Variants in PHRF1 observed in about 807,000 individuals in gnomAD.
PHRF1 encodes PHD and RING finger domain-containing protein 1.
A neutral mutation model predicts 128.9 loss-of-function variants in PHRF1; 53 were observed. The ratio of observed to expected loss-of-function variants is 0.41; its 90% confidence interval spans 0.33 to 0.52. The LOEUF (loss-of-function observed/expected upper bound fraction) is 0.52. PHRF1 is among the 20% of genes least tolerant of loss of function. PHRF1 has a pLI of 0.21. For missense variants in PHRF1, 2,503 were observed against 2,284.5 expected, an observed-to-expected ratio of 1.10 and a Z score of -1.95; for synonymous variants, 1,178 against 980.6, an observed-to-expected ratio of 1.20 and a Z score of -3.76.
Position 602,018 on chromosome 11 carries a change from G to T in PHRF1, c.1152+317G>T, listed in dbSNP as rs1181238973. 2.0e-5 allele frequency among the ~76,000 whole-genome samples: 3 copies of T among 152,194 alleles called. No individual in the cohort carries two copies. The East Asian group carries it at 5.8e-4, about 29-fold the overall frequency. Reference sequence around the variant, plus strand: ...GGGGAGCCAGGTGTGAGCCAGGCCAGTGCAAGCCCTCTGGCAGAGGCCCCC... The same window carrying T: ...GGGGAGCCAGGTGTGAGCCAGGCCATTGCAAGCCCTCTGGCAGAGGCCCCC... On this transcript the variant is annotated intron_variant, in intron 10 of 17. Coordinates refer to ENST00000264555, the MANE Select transcript of PHRF1 (RefSeq NM_001286581.2).
chr11:599,092 C>T (rs771240271), intron 9 of PHRF1, among the ~76,000 whole-genome samples: 1 of 152,190 alleles, frequency 6.6e-6, no homozygotes, highest in African/African-American at 2.4e-5. Flanking sequence ...CGCTGGTGCG[C>T]GTGCACATTT....
chr11:578,467 T>C (rs965106404), intron 1 of PHRF1, among the ~76,000 whole-genome samples: 2 of 152,070 alleles, frequency 1.3e-5, no homozygotes, highest in African/African-American at 4.8e-5. Flanking sequence ...CCTGAGCTGG[T>C]ATTTCTGGCC....
At chr11:579,949 G>A (rs749780241) in intron 1 of PHRF1, among the ~76,000 whole-genome samples, 6 of 152,192 alleles carry the variant, frequency 3.9e-5, no homozygotes, top group Non-Finnish European at 8.8e-5. Flanking sequence ...CAGCAGTGGC[G>A]CTGACAGCCA....
At position 607,915 on chromosome 11, in the gene PHRF1, A is replaced by C; in HGVS notation, c.2459A>C (p.Lys820Thr). 2.5e-6 allele frequency: 4 copies of C among 1,612,638 alleles called. No homozygotes were observed. Among genetic ancestry groups the C allele is most frequent in the Non-Finnish European group, 3.4e-6 (4 of 1,179,858 alleles). ...AACCCCTCACCCCTCTTCTCCATCA[A>C]GAAGACGAAGCAGCTGCGGAGCGAG... ...KENPSPLFSI[K>T]KTKQLRSEVY... The change falls in exon 14 of 18, where the codon AAG (lysine) becomes ACG (threonine). Residue 820 changes from lysine to threonine, a missense_variant. Coordinates refer to ENST00000264555, the MANE Select transcript of PHRF1 (RefSeq NM_001286581.2).
rs372704636 is a variant in PHRF1, at chr11:587,329, C to T, written c.285C>T (p.Ala95=). The T allele has an allele frequency of 4.8e-5, 78 of 1,613,728 alleles. 3 individuals are homozygous for T. In the South Asian group the frequency reaches 6.3e-4, roughly 13 times the overall value. ...CGGGTACTCAGGGGAAACTGGAAGCCGCTGGCTCTTTCAATTCTGATGATG... is the reference window on the plus strand; with the variant it reads ...CGGGTACTCAGGGGAAACTGGAAGCTGCTGGCTCTTTCAATTCTGATGATG... The part of the protein sequence containing the change: ...EVAGTQGKLE[A]AGSFNSDDDA... Residue 95 remains alanine (A), a synonymous_variant, in exon 4 of 18, where the codon GCC becomes GCT. Transcript: ENST00000264555.
chr11:594,003 G>T (rs1211531494), intron 6 of PHRF1, among the ~76,000 whole-genome samples: 1 of 152,198 alleles, frequency 6.6e-6, no homozygotes, highest in African/African-American at 2.4e-5. Flanking sequence ...GAAGGGCAGG[G>T]CTGCTGCCTT....
rs747739682 is a variant in PHRF1 at position 605,655 on chromosome 11, G to T, written c.1385G>T (p.Arg462Leu). The T allele has an allele frequency of 1.2e-6, 2 of 1,613,666 alleles. No individual in the cohort carries two copies. The highest frequency in any genetic ancestry group is 1.7e-6 in the Non-Finnish European group (2 of 1,179,884). ...NPLSPLSAKR[R>L]ALSRSALQSH... is the part of the protein sequence containing the mutation. Reference sequence around the variant, plus strand: ...CTTTCCCCTCTGAGTGCCAAGAGACGGGCTCTGTCCCGGTCAGCCCTGCAG... The same window carrying T: ...CTTTCCCCTCTGAGTGCCAAGAGACTGGCTCTGTCCCGGTCAGCCCTGCAG... Residue 462 changes from arginine to leucine, a missense_variant, in exon 12 of 18, where the codon CGG becomes CTG. Physicochemically the swap from Arg to Leu is moderately radical, Grantham distance 102. Coordinates refer to ENST00000264555, the MANE Select transcript of PHRF1 (RefSeq NM_001286581.2).
intron 4 of PHRF1, among the ~76,000 whole-genome samples, chr11:590,605 C>G (rs11246203): frequency 0.064 from 9,670 of 152,230 alleles, 567 homozygotes; most frequent in East Asian, 0.32. Context: ...TATGGTGTAC[C>G]TTAATAAAGC....
chr11:587,215 C>T (rs764324379), intron 3 of PHRF1, 44 bp from the exon 4 acceptor site: 23 of 1,591,292 alleles, frequency 1.4e-5, no homozygotes, highest in Admixed American at 1.4e-4. Flanking sequence ...CCGCGGTTCA[C>T]GCTGCCCATC....
intron 4 of PHRF1, among the ~76,000 whole-genome samples, chr11:587,782 G>C (rs1167350727): frequency 1.3e-5 from 2 of 152,194 alleles, no homozygotes; most frequent in Admixed American, 6.5e-5. Context: ...AGGCAGGTGT[G>C]CTGTGGTGCG....
At chr11:598,887 C>T (rs1232126380) in intron 9 of PHRF1, among the ~76,000 whole-genome samples, 1 of 152,224 alleles carries the variant, frequency 6.6e-6, no homozygotes, top group Non-Finnish European at 1.5e-5. Context: ...TCAGTGATTT[C>T]GCATCTTGTC....
chr11:605,727 G>T lies in PHRF1; in HGVS notation c.1454+3G>T, dbSNP rs771824884. On this transcript the variant is annotated splice_donor_region_variant and intron_variant, in intron 12 of 17. Coordinates refer to ENST00000264555, the MANE Select transcript of PHRF1 (RefSeq NM_001286581.2). ...CCCGTCTCCGTGGGGCTTTCCAGGT[G>T]TGTGAGGGCAGAGGCTTCTGGGGAG... is the stretch of plus-strand genomic sequence containing the variant. 1 of 1,607,932 alleles carries T rather than the reference G, an allele frequency of 6.2e-7. No homozygotes were observed. The highest frequency in any genetic ancestry group is 8.5e-7 in the Non-Finnish European group (1 of 1,179,002).
intron 3 of PHRF1, 79 bp downstream of exon 3, chr11:582,160 G>A (rs544360865): frequency 1.6e-5 from 25 of 1,540,330 alleles, no homozygotes; most frequent in Admixed American, 4.1e-5. Flanking sequence ...CACATCCTCC[G>A]TGAGAGTGCT....
chr11:579,005 C>T (rs760719053), intron 1 of PHRF1, among the ~76,000 whole-genome samples: 7 of 152,160 alleles, frequency 4.6e-5, no homozygotes, highest in Admixed American at 6.5e-5. Flanking sequence ...ATGCCCGGCT[C>T]ATTTTTTCTA....
chr11:581,461 T>C, intron 1 of PHRF1, 31 bp from the exon 2 acceptor site: 1 of 1,600,458 alleles, frequency 6.2e-7, no homozygotes, highest in Non-Finnish European at 8.5e-7. Context: ...CTGGGACAGT[T>C]TGGAAGTTGC....
intron 5 of PHRF1, among the ~76,000 whole-genome samples, chr11:592,340 T>G (rs1197081871): frequency 6.6e-6 from 1 of 152,166 alleles, no homozygotes; most frequent in Non-Finnish European, 1.5e-5. Flanking sequence ...TGCATCATAC[T>G]TTGTTTTCTG....
In PHRF1 at chr11:608,262, T is replaced by TC; in HGVS notation, c.2813dup (p.Glu939ArgfsTer5). 6 of 1,609,040 alleles carry TC rather than the reference T, an allele frequency of 3.7e-6. No homozygotes were observed. Among genetic ancestry groups the TC allele is most frequent in the Non-Finnish European group, 3.4e-6 (4 of 1,179,344 alleles). ...CCTGGCTGCCCGGCTGCGGAGGCCA[T>TC]CCCCCCCAGAGCCCTGGGATGAGGA... On this transcript the variant is annotated frameshift_variant, in exon 14 of 18. Transcript: ENST00000264555. LOFTEE classifies it high-confidence loss of function.
rs371455113 is a variant in PHRF1, at chr11:609,554, G to C, written c.4098G>C (p.Ala1366=). 1.3e-6 allele frequency: 2 copies of C among 1,599,038 alleles called. No individual in the cohort carries two copies. The highest frequency in any genetic ancestry group is 2.3e-5 in the East Asian group (1 of 44,340). The change falls in exon 14 of 18, where the codon GCG becomes GCC. Residue 1366 remains alanine (A), a synonymous_variant. Transcript: ENST00000264555. ...CCAGTTCCCCGGATGTGGCGCCTGCGGGGAAGGAAGACAGCCCCTCTGCGA... is the reference window on the plus strand; with the variant it reads ...CCAGTTCCCCGGATGTGGCGCCTGCCGGGAAGGAAGACAGCCCCTCTGCGA... ...EAPSSPDVAP[A]GKEDSPSASG... is the part of the protein sequence containing the mutation.
intron 10 of PHRF1, 69 bp from the exon 11 acceptor site, chr11:605,050 C>A: frequency 6.8e-7 from 1 of 1,462,944 alleles, no homozygotes; most frequent in Admixed American, 2.2e-5. Context: ...CTTCACGTGG[C>A]ATTTACAGAG....
Sources: allele counts gnomAD v4.1 joint callset (sites outside exome capture counted in the v4.1 genomes callset), GRCh38; gene constraint gnomAD v4.1.1; transcripts MANE v1.5; gene names NCBI Gene and HGNC (gene_info 2026-07-23, HGNC 2026-07-21).